The following GOLGA1 variants were observed in gnomAD, a reference collection of about 807,000 sequenced individuals.
GOLGA1 encodes the protein golgin subfamily A member 1.
A neutral mutation model predicts 119.7 loss-of-function variants in GOLGA1; 63 were observed. The ratio of observed to expected loss-of-function variants is 0.53; its 90% confidence interval spans 0.43 to 0.65. The LOEUF (loss-of-function observed/expected upper bound fraction) is 0.65, where lower values mean the gene tolerates loss of function less well. Among genes scored for constraint, GOLGA1 ranks in the 30% least tolerant of loss-of-function variants. The probability of loss-of-function intolerance (pLI) is 0.00; values close to 1 mark genes in which losing one functional copy is unlikely to be tolerated. For missense variants in GOLGA1, 798 were observed against 912.8 expected (o/e 0.87, Z 1.62); for synonymous variants, 318 against 333.4 (o/e 0.95, Z 0.50).
upstream of GOLGA1, chr9:124,943,487 G>GA (rs1588107097): frequency 6.6e-6 from 1 of 152,172 alleles, no homozygotes; most frequent in East Asian, 1.9e-4. Flanking sequence ...ATTGTTACAT[G>GA]AAAAATATTG....
At chr9:124,894,380 T>TTGTGTG (rs35289660) in intron 15 of GOLGA1, among the ~76,000 whole-genome samples, 90 of 147,832 alleles carry the variant, frequency 6.1e-4, no homozygotes, top group African/African-American at 1.5e-3. Flanking sequence ...ATTTAAAGTT[T>TTGTGTG]TGTGTGTGTG....
chr9:124,906,583 C>G (rs1830237228), intron 12 of GOLGA1, among the ~76,000 whole-genome samples: 1 of 152,112 alleles, frequency 6.6e-6, no homozygotes, highest in South Asian at 2.1e-4. Context: ...AACCCTGTCT[C>G]TACTAAAAAT....
chr9:124,905,466 A>G (rs1830208607), intron 12 of GOLGA1, among the ~76,000 whole-genome samples: 1 of 152,144 alleles, frequency 6.6e-6, no homozygotes, highest in Admixed American at 6.6e-5. Context: ...CCTCAAATAA[A>G]TAAATAAATA....
At chr9:124,882,429 G>A (rs989123481) in intron 20 of GOLGA1, 81 bp downstream of exon 20, 4 of 986,072 alleles carry the variant, frequency 4.1e-6, no homozygotes, top group African/African-American at 1.6e-5. Context: ...ATAGTCAGGC[G>A]GCGAGGGACC....
intron 2 of GOLGA1, among the ~76,000 whole-genome samples, chr9:124,939,087 G>T (rs941602149): frequency 4.6e-5 from 7 of 151,896 alleles, no homozygotes; most frequent in Admixed American, 3.9e-4. Context: ...AAGATTGTGT[G>T]GCTAAGTGGA....
intron 12 of GOLGA1, among the ~76,000 whole-genome samples, chr9:124,903,476 T>TA (rs746201729): frequency 5.7e-4 from 77 of 135,858 alleles, no homozygotes; most frequent in South Asian, 1.9e-3. Context: ...AGATTTTGTC[T>TA]AAAAAAAAAA....
intron 10 of GOLGA1, 30 bp from the exon 11 acceptor site, chr9:124,912,056 C>G (rs752788774): frequency 6.2e-7 from 1 of 1,600,794 alleles, no homozygotes. Flanking sequence ...TCACTCTATA[C>G]TAGAAGCCCT....
Position 124,899,491 on chromosome 9 carries a change from C to A in GOLGA1, c.1162-13G>T. On this transcript the variant is annotated splice_polypyrimidine_tract_variant and intron_variant, in intron 13 of 22. Coordinates refer to ENST00000373555, the MANE Select transcript of GOLGA1 (RefSeq NM_002077.4). ...GGTTGGCGGCAGCCTGCGGGGAGAC[C>A]AAAGGACGGTCAGTCAGGGTGACAA... 6.5e-7 allele frequency: 1 copy of A among 1,542,196 alleles called. No homozygotes were observed.
At position 124,881,185 on chromosome 9, in the gene GOLGA1, T is replaced by C. The variant is rs767263698; in HGVS notation, c.2209A>G (p.Thr737Ala). 1.3e-6 allele frequency: 2 copies of C among 1,553,130 alleles called. No individual in the cohort carries two copies. The highest frequency in any genetic ancestry group is 1.8e-6 in the Non-Finnish European group (2 of 1,124,134). ...GAGAACCCTACCTTATATTCCAGAG[T>C]TTCCTTGAGCATGTTCTCCTCCTCT... ...SQEEENMLKETLEYKMSWFGS... is the reference protein window; with the variant it reads ...SQEEENMLKEALEYKMSWFGS... The change falls in exon 22 of 23, where the codon ACT (threonine) becomes GCT (alanine). Residue 737 changes from threonine (T) to alanine (A), a missense_variant. Coordinates refer to ENST00000373555, the MANE Select transcript of GOLGA1 (RefSeq NM_002077.4). The surrounding 1 kb of genome is among the most constrained non-coding windows in gnomAD (Gnocchi z 4.9).
At position 124,938,868 on chromosome 9, in the gene GOLGA1, T is replaced by C. The variant is rs1361754945; in HGVS notation, c.-155-2A>G. ...CAAGGGCTTATGGCAACACAGGATC[T>C]ACAAATCAGATGAAAGAGACAGTTC... On this transcript the variant is annotated splice_acceptor_variant, in intron 2 of 22. Coordinates refer to ENST00000373555, the MANE Select transcript of GOLGA1 (RefSeq NM_002077.4). LOFTEE classifies it low-confidence loss of function (5UTR_SPLICE). 1.7e-5 allele frequency: 9 copies of C among 526,900 alleles called. No homozygotes were observed. Among genetic ancestry groups the C allele is most frequent in the Non-Finnish European group, 3.0e-5 (9 of 302,544 alleles). The allele number at this position is 526,900 out of a possible 1,614,324, so 32.6% of individuals were successfully genotyped here.
rs375653071 is a variant in GOLGA1 at position 124,929,165 on chromosome 9, T to C, written c.301+51A>G. The C allele has an allele frequency of 2.2e-5, 25 of 1,114,720 alleles. No individual in the cohort carries two copies. The African/African-American group carries it at 3.8e-4, about 17-fold the overall frequency. 69.1% of individuals were successfully genotyped at this position (1,114,720 alleles called of 1,614,324 possible). A position where few individuals can be genotyped will look rare whatever the true frequency, so the allele number is the denominator to read the frequency against. On this transcript the variant is annotated intron_variant, in intron 5 of 22. Transcript: ENST00000373555. Reference sequence around the variant, plus strand: ...CTTAACCATACACTATTGTTTCATTTCAAAAACTAAACCTTGAAAAGATTG... The same window carrying C: ...CTTAACCATACACTATTGTTTCATTCCAAAAACTAAACCTTGAAAAGATTG...
chr9:124,885,644 T>C (rs1443638042), intron 19 of GOLGA1, among the ~76,000 whole-genome samples: 1 of 152,048 alleles, frequency 6.6e-6, no homozygotes, highest in Non-Finnish European at 1.5e-5. Flanking sequence ...GGAAAGGCAC[T>C]TCCAAACGGA....
At chr9:124,897,931 G>T (rs10819004) in intron 15 of GOLGA1, among the ~76,000 whole-genome samples, 87,669 of 152,050 alleles carry the variant, frequency 0.58, 25,729 homozygotes, top group South Asian at 0.58. Context: ...ATTATCCAAG[G>T]TGCTTTGAAA....
chr9:124,900,547 C>A lies in GOLGA1; in HGVS notation c.1066G>T (p.Val356Leu). 1.3e-6 allele frequency: 2 copies of A among 1,482,530 alleles called. No homozygotes were observed. Among genetic ancestry groups the A allele is most frequent in the Admixed American group, 1.7e-5 (1 of 58,370 alleles). The allele number at this position is 1,482,530 out of a possible 1,614,324, so 91.8% of individuals were successfully genotyped here. A position where few individuals can be genotyped will look rare whatever the true frequency, so the allele number is the denominator to read the frequency against. The part of the protein sequence containing the change: ...AKAINTLETR[V>L]RELEQTLQAS... Reference sequence around the variant, plus strand: ...TGCAAGGTCTGCTCCAGTTCTCTCACCTGAGAGGGAAGCAGAAGCATTCTT... The same window carrying A: ...TGCAAGGTCTGCTCCAGTTCTCTCAACTGAGAGGGAAGCAGAAGCATTCTT... Residue 356 changes from valine (V) to leucine (L), a missense_variant and splice_region_variant, in exon 13 of 23, where the codon GTG (valine) becomes TTG (leucine). Transcript: ENST00000373555.
chr9:124,888,184 T>C lies in GOLGA1; in HGVS notation c.1905+69A>G. On this transcript the variant is annotated intron_variant, in intron 19 of 22. Coordinates refer to ENST00000373555, the MANE Select transcript of GOLGA1 (RefSeq NM_002077.4). This position sits in a 1 kb window ranked among gnomAD's most constrained non-coding sequence, Gnocchi z 4.4. ...ACCACAAAAACCTCCAAGGATGGAC[T>C]GGGTCATTTTAGGCCTGAGGGTGAG... 1.4e-6 allele frequency: 2 copies of C among 1,446,662 alleles called. No homozygotes were observed. Among genetic ancestry groups the C allele is most frequent in the Non-Finnish European group, 1.9e-6 (2 of 1,031,244 alleles). The allele number at this position is 1,446,662 out of a possible 1,614,324, so 89.6% of individuals were successfully genotyped here.
chr9:124,926,565 GC>G, intron 7 of GOLGA1, 143 bp downstream of exon 7: 1 of 717,672 alleles, frequency 1.4e-6, no homozygotes, highest in Admixed American at 2.2e-5. Flanking sequence ...GAGGATCAGA[GC>G]TTTTCAAGTC....
chr9:124,888,122 G>T lies in GOLGA1; in HGVS notation c.1905+131C>A. 4 of 794,416 alleles carry T rather than the reference G, an allele frequency of 5.0e-6. No individual in the cohort carries two copies. The highest frequency in any genetic ancestry group is 8.6e-6 in the Non-Finnish European group (4 of 463,454). 49.2% of individuals were successfully genotyped at this position (794,416 alleles called of 1,614,324 possible). ...GGAAGATCAGGAGGAAGGCCTTTGG[G>T]TGAGAGGGGTCATGGTTGCCAGGAG... On this transcript the variant is annotated intron_variant, in intron 19 of 22. Coordinates refer to ENST00000373555, the MANE Select transcript of GOLGA1 (RefSeq NM_002077.4). This position sits in a 1 kb window ranked among gnomAD's most constrained non-coding sequence, Gnocchi z 4.4.
rs766567741 is a variant in GOLGA1 at position 124,929,202 on chromosome 9, A to T, written c.301+14T>A. 6.6e-7 allele frequency: 1 copy of T among 1,524,808 alleles called. No individual in the cohort carries two copies. The highest frequency in any genetic ancestry group is 9.1e-7 in the Non-Finnish European group (1 of 1,099,008). 94.5% of individuals were successfully genotyped at this position (1,524,808 alleles called of 1,614,324 possible). ...CCTTGAAAAGATTGAAAAAAGCAGG[A>T]AAAAAATACGTACAATCCTGGTGTT... On this transcript the variant is annotated intron_variant, in intron 5 of 22. Transcript: ENST00000373555.
At chr9:124,880,679 CCT>C (rs1368821551) in intron 22 of GOLGA1, 69 bp from the exon 23 acceptor site, 3 of 937,198 alleles carry the variant, frequency 3.2e-6, no homozygotes, top group Non-Finnish European at 5.3e-6. Context: ...CTGAACCGCC[CCT>C]CCCCTCCCGT....
Sources: allele counts gnomAD v4.1 joint callset (sites outside exome capture counted in the v4.1 genomes callset), GRCh38; gene constraint gnomAD v4.1.1; non-coding constraint Gnocchi (gnomAD v3.1); transcripts MANE v1.5; gene names NCBI Gene and HGNC (gene_info 2026-07-23, HGNC 2026-07-21).